Variants in PTGR1 observed in about 807,000 individuals in gnomAD.
PTGR1 encodes the protein 15-oxoprostaglandin 13-reductase.
A neutral mutation model predicts 37.7 loss-of-function variants in PTGR1; 23 were observed. The observed-to-expected ratio is 0.61, with a 90% CI of 0.44 to 0.86. The LOEUF (loss-of-function observed/expected upper bound fraction) is 0.86. PTGR1 is among the 40% of genes least tolerant of loss of function. PTGR1 has a pLI of 0.00. For missense variants in PTGR1, 351 were observed against 394.3 expected, an observed-to-expected ratio of 0.89 and a Z score of 0.93; for synonymous variants, 134 against 140.0, an observed-to-expected ratio of 0.96 and a Z score of 0.30.
At chr9:111,559,829 C>A (rs1032357753), downstream of PTGR1, among the ~76,000 whole-genome samples, 1 of 152,156 alleles carries the variant, frequency 6.6e-6, no homozygotes, top group Non-Finnish European at 1.5e-5. Flanking sequence ...AAAGAGGACA[C>A]GGGCAGTGAC....
At chr9:111,575,934 A>C (rs1040370551) in intron 7 of PTGR1, among the ~76,000 whole-genome samples, 1 of 152,104 alleles carries the variant, frequency 6.6e-6, no homozygotes, top group African/African-American at 2.4e-5. Context: ...TGCTTCAAAG[A>C]ATACCATCAA....
chr9:111,597,571 A>T (rs1256683828), intron 1 of PTGR1, 139 bp from the exon 2 acceptor site: 6 of 602,672 alleles, frequency 1.0e-5, no homozygotes, highest in Non-Finnish European at 1.8e-5. Flanking sequence ...AACCACATTC[A>T]TTTAACATTT....
intron 7 of PTGR1, chr9:111,576,333 G>T: frequency 6.2e-7 from 1 of 1,612,838 alleles, no homozygotes; most frequent in Non-Finnish European, 8.5e-7. Flanking sequence ...CCTCAAACCA[G>T]TACTCACTAA....
At chr9:111,592,132 G>T (rs1303069505) in intron 4 of PTGR1, among the ~76,000 whole-genome samples, 1 of 152,206 alleles carries the variant, frequency 6.6e-6, no homozygotes, top group African/African-American at 2.4e-5. Flanking sequence ...AGCTCTTCTA[G>T]CCCTCTTTAC....
chr9:111,590,462 A>G (rs6477829), intron 4 of PTGR1, among the ~76,000 whole-genome samples: 69,127 of 151,822 alleles, frequency 0.46, 16,055 homozygotes, highest in African/African-American at 0.54. Flanking sequence ...GGGTTCAAGC[A>G]ATTCTCATGC....
chr9:111,585,950 T>C, intron 5 of PTGR1, 48 bp downstream of exon 5: 2 of 1,601,232 alleles, frequency 1.2e-6, no homozygotes, highest in Non-Finnish European at 1.7e-6. Flanking sequence ...TTTTGGAAAA[T>C]CAGAGTGTCA....
intron 9 of PTGR1, among the ~76,000 whole-genome samples, chr9:111,556,149 A>G (rs1828114457): frequency 6.6e-6 from 1 of 152,244 alleles, no homozygotes; most frequent in African/African-American, 2.4e-5. Context: ...TGCAAGTCCA[A>G]AACCTGGTGG....
rs1436988213 is a variant in PTGR1 at position 111,562,910 on chromosome 9, T to C, written c.*211A>G. On this transcript the variant is annotated 3_prime_UTR_variant, in exon 10 of 10. Coordinates refer to ENST00000407693, the MANE Select transcript of PTGR1 (RefSeq NM_001146108.2). The stretch of plus-strand genomic sequence containing the variant: ...TACCACAACTCAGAAGAAGCTGTAG[T>C]GAACAGTGAGGTGACTGGTTGTTGT... The C allele has an allele frequency of 1.2e-5, 16 of 1,336,264 alleles. No individual in the cohort carries two copies. In the Admixed American group the frequency reaches 5.0e-4, roughly 42 times the overall value. 82.8% of individuals were successfully genotyped at this position (1,336,264 alleles called of 1,614,324 possible).
chr9:111,583,947 A>G (rs1388332174), intron 5 of PTGR1, among the ~76,000 whole-genome samples: 1 of 152,204 alleles, frequency 6.6e-6, no homozygotes, highest in African/African-American at 2.4e-5. Context: ...GTAGATGATG[A>G]GCTTCATGGG....
chr9:111,597,559 C>G (rs1200006954), intron 1 of PTGR1, 127 bp from the exon 2 acceptor site: 3 of 612,086 alleles, frequency 4.9e-6, no homozygotes, highest in Non-Finnish European at 8.7e-6. Context: ...TCATATCATG[C>G]CAACCACATT....
chr9:111,573,275 T>C (rs1828909267), intron 8 of PTGR1, among the ~76,000 whole-genome samples: 1 of 151,374 alleles, frequency 6.6e-6, no homozygotes, highest in South Asian at 2.1e-4. Context: ...GTTAGAAAAT[T>C]ATAGGGGGAA....
At chr9:111,586,626 C>T (rs190856097) in intron 4 of PTGR1, among the ~76,000 whole-genome samples, 44 of 152,120 alleles carry the variant, frequency 2.9e-4, no homozygotes, top group African/African-American at 8.2e-4. Flanking sequence ...CTTGCCCCTT[C>T]GTCTTCCTTT....
chr9:111,588,098 C>G (rs1221192690), intron 4 of PTGR1, among the ~76,000 whole-genome samples: 6 of 150,984 alleles, frequency 4.0e-5, no homozygotes, highest in Middle Eastern at 3.4e-3. Context: ...ACTGCAACCT[C>G]AACCTCCCCT....
intron 9 of PTGR1, chr9:111,569,886 G>A: frequency 1.3e-6 from 1 of 757,950 alleles, no homozygotes; most frequent in Non-Finnish European, 2.1e-6. Flanking sequence ...CATTTGCAGT[G>A]GAAATGAACT....
intron 7 of PTGR1, chr9:111,576,312 T>C (rs1829052433): frequency 6.2e-7 from 1 of 1,603,770 alleles, no homozygotes; most frequent in Admixed American, 1.7e-5. Context: ...TTGCTAAAAT[T>C]TTATTTGTAA....
chr9:111,555,279 ATAAGG>A (rs1318506232), intron 9 of PTGR1, among the ~76,000 whole-genome samples: 1 of 152,150 alleles, frequency 6.6e-6, no homozygotes, highest in Non-Finnish European at 1.5e-5. Flanking sequence ...ACCTGGCAAA[ATAAGG>A]TAGGAGTGGC....
downstream of PTGR1, among the ~76,000 whole-genome samples, chr9:111,561,519 C>T (rs1183655163): frequency 6.6e-6 from 1 of 152,170 alleles, no homozygotes; most frequent in African/African-American, 2.4e-5. Flanking sequence ...ACCTTAGCCT[C>T]CCAAAGAGCT....
At chr9:111,553,522 A>T (rs1828033474) in intron 9 of PTGR1, among the ~76,000 whole-genome samples, 1 of 152,196 alleles carries the variant, frequency 6.6e-6, no homozygotes, top group South Asian at 2.1e-4. Context: ...AAGTAAACAC[A>T]TTGTGATTTT....
chr9:111,586,667 G>T (rs1299996711), intron 4 of PTGR1, among the ~76,000 whole-genome samples: 4 of 151,644 alleles, frequency 2.6e-5, no homozygotes, highest in African/African-American at 4.9e-5. Flanking sequence ...TCCCATTCAT[G>T]TGCTAACCCG....
Sources: allele counts gnomAD v4.1 joint callset (sites outside exome capture counted in the v4.1 genomes callset), GRCh38; gene constraint gnomAD v4.1.1; transcripts MANE v1.5; gene names NCBI Gene and HGNC (gene_info 2026-07-23, HGNC 2026-07-21).